The following ACTR3 variants were observed in gnomAD, a reference collection of about 807,000 sequenced individuals.
The protein encoded by ACTR3 is actin-related protein 3.
Under a neutral mutation model 56.8 loss-of-function variants are expected in ACTR3, and 12 were observed. The ratio of observed to expected loss-of-function variants is 0.21; its 90% CI spans 0.14 to 0.34. ACTR3 has a LOEUF of 0.34. Ranked by LOEUF, ACTR3 falls within the 10% of genes least tolerant of loss-of-function variation. The pLI is 1.00. For synonymous variants in ACTR3, 162 were observed against 167.4 expected, an observed-to-expected ratio of 0.97 and a Z score of 0.25; for missense variants, 282 against 512.5, an observed-to-expected ratio of 0.55 and a Z score of 4.34.
At chr2:113,926,259 T>G (rs989437129) in intron 3 of ACTR3, among the ~76,000 whole-genome samples, 1 of 152,226 alleles carries the variant, frequency 6.6e-6, no homozygotes. Context: ...ATAATGTCAT[T>G]GAAAGGAATA....
At chr2:113,903,610 A>G (rs1205708061) in intron 1 of ACTR3, among the ~76,000 whole-genome samples, 1 of 147,352 alleles carries the variant, frequency 6.8e-6, no homozygotes, top group Non-Finnish European at 1.5e-5. Flanking sequence ...ATCTCGGCTC[A>G]CTGAAACCTC....
chr2:113,917,810 A>G (rs572432160), intron 3 of ACTR3, among the ~76,000 whole-genome samples: 8 of 152,202 alleles, frequency 5.3e-5, no homozygotes, highest in Admixed American at 4.6e-4. Context: ...AAAGGAAGAC[A>G]TTGAAGAAAT....
chr2:113,894,693 C>G (rs1342131554), intron 1 of ACTR3, among the ~76,000 whole-genome samples: 2 of 152,188 alleles, frequency 1.3e-5, no homozygotes, highest in Non-Finnish European at 2.9e-5. Context: ...ATTTTAGGCA[C>G]AGAACGGAAA....
chr2:113,913,354 A>C (rs1312202302), intron 2 of ACTR3, 127 bp downstream of exon 2: 5 of 650,272 alleles, frequency 7.7e-6, no homozygotes, highest in Middle Eastern at 3.0e-4. Flanking sequence ...ATGATTTGCC[A>C]GGTTCTAAGT....
At position 113,895,251 on chromosome 2, in the gene ACTR3, A is replaced by G. The variant is rs1000727815; in HGVS notation, c.44+4928A>G. Reference sequence around the variant, plus strand: ...TTATATTATCTCATTAACTTTCACAACAACCTGGAAAGTATTATCTTTGTT... The same window carrying G: ...TTATATTATCTCATTAACTTTCACAGCAACCTGGAAAGTATTATCTTTGTT... On this transcript the variant is annotated intron_variant, in intron 1 of 11. Coordinates refer to ENST00000263238, the MANE Select transcript of ACTR3 (RefSeq NM_005721.5). Among the ~76,000 whole-genome samples, 13 of 152,302 alleles carry G rather than the reference A, an allele frequency of 8.5e-5. 1 individual carries two copies. The highest frequency in any genetic ancestry group is 4.1e-4 in the South Asian group (2 of 4,832).
At chr2:113,937,145 C>G (rs950589576) in intron 6 of ACTR3, among the ~76,000 whole-genome samples, 2 of 152,040 alleles carry the variant, frequency 1.3e-5, no homozygotes, top group African/African-American at 4.8e-5. Context: ...GCTCTGTCGC[C>G]GAGGCTGGAG....
chr2:113,957,290 G>C (rs1680233703), intron 11 of ACTR3, 70 bp from the exon 12 acceptor site: 2 of 1,157,260 alleles, frequency 1.7e-6, no homozygotes, highest in South Asian at 1.3e-5. Flanking sequence ...CACTCTTAAA[G>C]TTTATTTCAA....
intron 6 of ACTR3, among the ~76,000 whole-genome samples, chr2:113,934,947 A>G (rs1679796428): frequency 6.6e-6 from 1 of 152,212 alleles, no homozygotes; most frequent in Non-Finnish European, 1.5e-5. Flanking sequence ...ACTGTTTATT[A>G]TTAAATGGGT....
At chr2:113,896,709 G>T (rs1679015149) in intron 1 of ACTR3, among the ~76,000 whole-genome samples, 1 of 152,202 alleles carries the variant, frequency 6.6e-6, no homozygotes, top group African/African-American at 2.4e-5. Context: ...TTGAATATCA[G>T]TTTCCCTTCT....
rs1269939171 is a variant in ACTR3 at position 113,916,471 on chromosome 2, A to T, written c.101-413A>T. 9.2e-5 allele frequency among the ~76,000 whole-genome samples: 14 copies of T among 152,288 alleles called. 1 individual carries two copies. Among genetic ancestry groups the T allele is most frequent in the Non-Finnish European group, 1.9e-4 (13 of 68,020 alleles). ...TAGACCCAGTAGTGATAGGGTAGAG[A>T]TGTAAAGAAAGTTTAAAAAATTATT... On this transcript the variant is annotated intron_variant, in intron 2 of 11. Transcript: ENST00000263238.
chr2:113,944,329 A>G (rs771991941), intron 8 of ACTR3, among the ~76,000 whole-genome samples: 11 of 152,092 alleles, frequency 7.2e-5, no homozygotes, highest in Admixed American at 1.3e-4. Flanking sequence ...TTAAATTTTT[A>G]AGAGGGCTTA....
intron 8 of ACTR3, among the ~76,000 whole-genome samples, chr2:113,944,188 G>A (rs941573169): frequency 6.6e-6 from 1 of 152,124 alleles, no homozygotes; most frequent in Non-Finnish European, 1.5e-5. Context: ...CGTTAGAGCA[G>A]CTTGTTACTT....
At chr2:113,927,983 T>G (rs1679650937) in intron 4 of ACTR3, among the ~76,000 whole-genome samples, 1 of 152,164 alleles carries the variant, frequency 6.6e-6, no homozygotes, top group Non-Finnish European at 1.5e-5. Context: ...TTTAACAAAG[T>G]TTGCCCTGCT....
chr2:113,899,838 G>C (rs1204206194), intron 1 of ACTR3, among the ~76,000 whole-genome samples: 1 of 152,168 alleles, frequency 6.6e-6, no homozygotes, highest in African/African-American at 2.4e-5. Flanking sequence ...CAAAGTATTT[G>C]GGGGATGGGT....
intron 3 of ACTR3, among the ~76,000 whole-genome samples, chr2:113,918,435 G>A (rs1679447199): frequency 6.7e-6 from 1 of 148,756 alleles, no homozygotes; most frequent in South Asian, 2.1e-4. Flanking sequence ...CCAGGATGGA[G>A]TTCAGTGGCA....
chr2:113,946,585 T>A (rs562311664), intron 8 of ACTR3, among the ~76,000 whole-genome samples: 1 of 152,174 alleles, frequency 6.6e-6, no homozygotes, highest in African/African-American at 2.4e-5. Context: ...TTTAAGTTCC[T>A]TATAGATGCT....
intron 1 of ACTR3, among the ~76,000 whole-genome samples, chr2:113,899,071 C>T (rs1679055976): frequency 6.6e-6 from 1 of 152,076 alleles, no homozygotes; most frequent in African/African-American, 2.4e-5. Flanking sequence ...ATTTTTAGTA[C>T]AAATATGAAA....
Position 113,916,982 on chromosome 2 carries a change from A to G in ACTR3, c.199A>G (p.Ile67Val), listed in dbSNP as rs763378050. 63 of 1,607,386 alleles carry G rather than the reference A, an allele frequency of 3.9e-5. No individual in the cohort carries two copies. Among genetic ancestry groups the G allele is most frequent in the Non-Finnish European group, 4.9e-5 (58 of 1,176,752 alleles). Reference sequence around the variant, plus strand: ...AGACTTCTTCATTGGTGATGAAGCAATAGAAAAACCTACATATGCAACAAA... The same window carrying G: ...AGACTTCTTCATTGGTGATGAAGCAGTAGAAAAACCTACATATGCAACAAA... The part of the protein sequence containing the change: ...DLDFFIGDEA[I>V]EKPTYATKWP... The change falls in exon 3 of 12, where the codon ATA (isoleucine) becomes GTA (valine). Residue 67 changes from isoleucine to valine, a missense_variant. Physicochemically the swap from Ile to Val is conservative, Grantham distance 29 (BLOSUM62 3). Transcript: ENST00000263238.
At chr2:113,946,807 T>G (rs973052936) in intron 8 of ACTR3, among the ~76,000 whole-genome samples, 2 of 152,228 alleles carry the variant, frequency 1.3e-5, no homozygotes, top group Non-Finnish European at 2.9e-5. Context: ...GTTTGTACAG[T>G]CATTTATTCA....
Sources: allele counts gnomAD v4.1 joint callset (sites outside exome capture counted in the v4.1 genomes callset), GRCh38; gene constraint gnomAD v4.1.1; transcripts MANE v1.5; gene names NCBI Gene and HGNC (gene_info 2026-07-23, HGNC 2026-07-21).